The following UPP2 variants were observed in gnomAD, a reference collection of about 807,000 sequenced individuals.
UPP2 encodes the protein UPase 2.
A neutral mutation model predicts 26.7 loss-of-function variants in UPP2; 23 were observed. The ratio of observed to expected loss-of-function variants is 0.86; its 90% CI spans 0.62 to 1.22. The LOEUF (loss-of-function observed/expected upper bound fraction) is 1.22, where lower values mean the gene tolerates loss of function less well. Among genes scored for constraint, UPP2 ranks in the 50% most tolerant of loss-of-function variants. The pLI is 0.00. For synonymous variants in UPP2, 127 were observed against 141.3 expected, an observed-to-expected ratio of 0.90 and a Z score of 0.72; for missense variants, 387 against 396.7, an observed-to-expected ratio of 0.98 and a Z score of 0.21.
chr2:158,103,791 C>T (rs986649864), intron 1 of UPP2, among the ~76,000 whole-genome samples: 1 of 151,766 alleles, frequency 6.6e-6, no homozygotes, highest in East Asian at 1.9e-4. Context: ...CTAATGAGCT[C>T]CCCAGATGTT....
chr2:158,062,245 C>T (rs1449814731), intron 3 of UPP2, among the ~76,000 whole-genome samples: 1 of 152,176 alleles, frequency 6.6e-6, no homozygotes, highest in East Asian at 1.9e-4. Flanking sequence ...AGTTATTGAG[C>T]ACTTGAAATG....
chr2:158,070,758 A>G (rs1157782687), intron 3 of UPP2, among the ~76,000 whole-genome samples: 1 of 152,240 alleles, frequency 6.6e-6, no homozygotes, highest in African/African-American at 2.4e-5. Context: ...TATATCATTG[A>G]AAGAGGCACT....
chr2:158,123,456 TG>T (rs1683618734), intron 5 of UPP2, among the ~76,000 whole-genome samples: 1 of 152,150 alleles, frequency 6.6e-6, no homozygotes, highest in Non-Finnish European at 1.5e-5. Context: ...CCCCGCTTCC[TG>T]ATTTCCCTGG....
In UPP2 at chr2:158,117,542, T is replaced by G. The variant is rs148100370; in HGVS notation, c.340-282T>G. ...GGAAATGGCACCGCCCTGACACACC[T>G]GTATACCACACCATCCCCACCTTCT... is the stretch of plus-strand genomic sequence containing the variant. On this transcript the variant is annotated intron_variant, in intron 3 of 6. Transcript: ENST00000005756. 1.3e-3 allele frequency among the ~76,000 whole-genome samples: 195 copies of G among 152,052 alleles called. 2 individuals are homozygous for G. The highest frequency in any genetic ancestry group is 4.4e-3 in the African/African-American group (184 of 41,528).
intron 3 of UPP2, among the ~76,000 whole-genome samples, chr2:158,088,355 C>T (rs1682849930): frequency 6.6e-6 from 1 of 152,056 alleles, no homozygotes; most frequent in Non-Finnish European, 1.5e-5. Flanking sequence ...TTTATTTATG[C>T]TATTTATTTC....
chr2:158,049,735 G>A (rs1301251443), intron 3 of UPP2, among the ~76,000 whole-genome samples: 1 of 152,218 alleles, frequency 6.6e-6, no homozygotes, highest in Admixed American at 6.5e-5. Flanking sequence ...ATCTCAGTCT[G>A]TAGTAGAACA....
At chr2:158,001,533 CAA>C (rs893898040) in intron 2 of UPP2, among the ~76,000 whole-genome samples, 1 of 152,090 alleles carries the variant, frequency 6.6e-6, no homozygotes, top group Non-Finnish European at 1.5e-5. Context: ...AGCTATAGTG[CAA>C]AAGAGCCTGT....
Position 158,078,161 on chromosome 2 carries a change from G to A in UPP2, c.148-23879G>A, listed in dbSNP as rs193217253. On this transcript the variant is annotated intron_variant, in intron 3 of 9. Transcript: ENST00000605860. Reference sequence around the variant, plus strand: ...ATGCTAGGAAGGATATGGAGAAAAGGAAACCCTTGTACACTGTTGGTGAGA... The same window carrying A: ...ATGCTAGGAAGGATATGGAGAAAAGAAAACCCTTGTACACTGTTGGTGAGA... 2.0e-5 allele frequency among the ~76,000 whole-genome samples: 3 copies of A among 152,226 alleles called. No individual in the cohort carries two copies. In the East Asian group the frequency reaches 5.8e-4, roughly 29 times the overall value.
intron 3 of UPP2, among the ~76,000 whole-genome samples, chr2:158,020,236 T>C (rs909783135): frequency 7.2e-5 from 11 of 152,336 alleles, no homozygotes; most frequent in African/African-American, 2.6e-4. Context: ...AATGCAGGTC[T>C]GTGTTCTCCT....
At position 158,025,215 on chromosome 2, in the gene UPP2, A is replaced by C. The variant is rs547536406; in HGVS notation, c.147+9329A>C. On this transcript the variant is annotated intron_variant, in intron 3 of 9. Coordinates refer to the UPP2 transcript ENST00000605860. ...AGACTCCCTCTCAAAAAAAAAAAAA[A>C]AAAAGATCAGAAAATATAAAAAGGT... 1.7e-3 allele frequency among the ~76,000 whole-genome samples: 265 copies of C among 152,034 alleles called. 1 individual carries two copies. Among genetic ancestry groups the C allele is most frequent in the Non-Finnish European group, 2.0e-3 (135 of 67,954 alleles).
chr2:158,060,079 T>C (rs532235309), intron 3 of UPP2, among the ~76,000 whole-genome samples: 100 of 152,270 alleles, frequency 6.6e-4, no homozygotes, highest in African/African-American at 2.4e-3. Flanking sequence ...GATTTGTGTG[T>C]GTGCGTGCAT....
intron 3 of UPP2, among the ~76,000 whole-genome samples, chr2:158,061,622 G>A (rs1048598702): frequency 9.2e-5 from 14 of 152,288 alleles, no homozygotes; most frequent in African/African-American, 3.1e-4. Flanking sequence ...CACAGGGGGC[G>A]GGGCCACCTA....
chr2:158,070,086 G>A (rs913113755), intron 3 of UPP2, among the ~76,000 whole-genome samples: 2 of 152,140 alleles, frequency 1.3e-5, no homozygotes, highest in Non-Finnish European at 2.9e-5. Context: ...CAGCTCTAGG[G>A]ATAGTGGCTC....
rs149379809 is a variant in UPP2 at position 158,110,225 on chromosome 2, A to G, written c.180+4009A>G. On this transcript the variant is annotated intron_variant, in intron 2 of 6. Transcript: ENST00000005756. ...TGTGTCCAAGTGTTCTCATTGTTCA[A>G]TTTCCACCTATGAGTGAGAACATGC... Among the ~76,000 whole-genome samples the G allele has an allele frequency of 3.6e-3, 553 of 152,158 alleles. 4 individuals carry two copies. Among genetic ancestry groups the G allele is most frequent in the African/African-American group, 0.012 (496 of 41,506 alleles).
At position 158,078,582 on chromosome 2, in the gene UPP2, G is replaced by A. The variant is rs112722217; in HGVS notation, c.148-23458G>A. On this transcript the variant is annotated intron_variant, in intron 3 of 9. Coordinates refer to the UPP2 transcript ENST00000605860. ...ATTTGTGGGAGATACAAATGAAAAC[G>A]ATTGTATTTGTGAAGATAGAGAGTA... Among the ~76,000 whole-genome samples the A allele has an allele frequency of 4.8e-3, 729 of 152,148 alleles. 4 individuals carry two copies. The highest frequency in any genetic ancestry group is 5.8e-3 in the Non-Finnish European group (396 of 67,958).
intron 3 of UPP2, chr2:158,065,605 T>A: frequency 3.5e-6 from 2 of 569,456 alleles, no homozygotes; most frequent in Non-Finnish European, 6.8e-6. Flanking sequence ...GAGGATTTCT[T>A]ACTACACACA....
intron 3 of UPP2, among the ~76,000 whole-genome samples, chr2:158,025,943 G>A (rs961411962): frequency 4.6e-5 from 7 of 152,106 alleles, no homozygotes; most frequent in African/African-American, 9.7e-5. Context: ...TTTCAGCTTC[G>A]TCTGGAAGAA....
At chr2:157,997,656 T>C (rs1471859619) in intron 2 of UPP2, among the ~76,000 whole-genome samples, 2 of 152,198 alleles carry the variant, frequency 1.3e-5, no homozygotes, top group East Asian at 3.9e-4. Context: ...ATCATCCTTT[T>C]AAGCCGTTGT....
rs375181713 is a variant in UPP2, at chr2:158,009,523, T to A, written c.62-6278T>A. 6.6e-5 allele frequency among the ~76,000 whole-genome samples: 10 copies of A among 152,356 alleles called. No homozygotes were observed. In the South Asian group the frequency reaches 1.5e-3, roughly 22 times the overall value. On this transcript the variant is annotated intron_variant, in intron 2 of 9. Transcript: ENST00000605860. ...GTTTTACTGGGAGTCTGTGTGCAGATGAAATATGGCTTTTAAGAACATAAT... is the reference window on the plus strand; with the variant it reads ...GTTTTACTGGGAGTCTGTGTGCAGAAGAAATATGGCTTTTAAGAACATAAT...
Sources: gnomAD v4.1 joint callset for allele counts (sites outside exome capture counted in the v4.1 genomes callset) on GRCh38, gnomAD v4.1.1 for gene constraint, MANE v1.5 for transcripts, NCBI Gene and HGNC (gene_info 2026-07-23, HGNC 2026-07-21) for gene names.